PRKCE: variants seen among roughly 807,000 people sequenced by gnomAD.
The protein encoded by PRKCE is protein kinase C epsilon type.
A neutral mutation model predicts 85.4 loss-of-function variants in PRKCE; 16 were observed. That is an observed-to-expected ratio of 0.19 (90% CI 0.13 to 0.28). The LOEUF is 0.28. PRKCE is among the 10% of genes least tolerant of loss of function. The pLI is 1.00. For missense variants in PRKCE, 573 were observed against 975.2 expected, an observed-to-expected ratio of 0.59 and a Z score of 5.49; for synonymous variants, 388 against 371.5, an observed-to-expected ratio of 1.04 and a Z score of -0.51.
intron 1 of PRKCE, among the ~76,000 whole-genome samples, chr2:45,840,211 C>T (rs1267082076): frequency 6.6e-6 from 1 of 152,170 alleles, no homozygotes; most frequent in African/African-American, 2.4e-5. Flanking sequence ...ATTTTGCCGG[C>T]AGGGTTTAAT....
At chr2:46,044,005 A>G (rs1325180625) in intron 10 of PRKCE, among the ~76,000 whole-genome samples, 1 of 152,228 alleles carries the variant, frequency 6.6e-6, no homozygotes, top group African/African-American at 2.4e-5. Context: ...AATGAGTGAC[A>G]TCATGCTCTC....
At chr2:46,058,070 G>A (rs567525129) in intron 10 of PRKCE, among the ~76,000 whole-genome samples, 1 of 152,330 alleles carries the variant, frequency 6.6e-6, no homozygotes, top group South Asian at 2.1e-4. Flanking sequence ...TGAAGTAATG[G>A]GCAAATTCAT....
chr2:45,663,411 G>C (rs373653547), intron 1 of PRKCE, among the ~76,000 whole-genome samples: 2 of 152,160 alleles, frequency 1.3e-5, no homozygotes, highest in African/African-American at 4.8e-5. Flanking sequence ...GTTGGCAGAG[G>C]CTTCTTGGTA....
chr2:45,959,781 C>A (rs1325012960), intron 2 of PRKCE, among the ~76,000 whole-genome samples: 1 of 152,228 alleles, frequency 6.6e-6, no homozygotes, highest in Non-Finnish European at 1.5e-5. Context: ...ATGAAACAGC[C>A]AGGGTCCACA....
chr2:45,979,033 A>G, intron 4 of PRKCE, 23 bp downstream of exon 4: 1 of 1,597,724 alleles, frequency 6.3e-7, no homozygotes, highest in Non-Finnish European at 8.5e-7. Context: ...TATGAATTAA[A>G]TCTTCAGAGG....
chr2:45,878,688 T>A (rs1445775439), intron 2 of PRKCE, among the ~76,000 whole-genome samples: 1 of 152,226 alleles, frequency 6.6e-6, no homozygotes, highest in Non-Finnish European at 1.5e-5. Context: ...AATAACCTAC[T>A]CTGCCATTGC....
intron 1 of PRKCE, among the ~76,000 whole-genome samples, chr2:45,762,372 T>C (rs1056828244): frequency 2.6e-5 from 4 of 152,238 alleles, no homozygotes; most frequent in Admixed American, 1.3e-4. Flanking sequence ...CCTGCCTTTT[T>C]CCCTGATCAG....
intron 2 of PRKCE, among the ~76,000 whole-genome samples, chr2:45,933,003 C>T (rs1018952785): frequency 6.6e-6 from 1 of 152,180 alleles, no homozygotes; most frequent in African/African-American, 2.4e-5. Flanking sequence ...ATAATATATA[C>T]CACATTCTGT....
Position 46,041,988 on chromosome 2 carries a change from C to A in PRKCE, c.1437+31471C>A, listed in dbSNP as rs1320310128. The stretch of plus-strand genomic sequence containing the variant: ...TTGTAATATAATTTGAGGTGGCAGT[C>A]CCCCTTCCAGGAATCCCATTTTATG... On this transcript the variant is annotated intron_variant, in intron 10 of 14. Coordinates refer to ENST00000306156, the MANE Select transcript of PRKCE (RefSeq NM_005400.3). This position sits in a 1 kb window ranked among gnomAD's most constrained non-coding sequence, Gnocchi z 5.5. Among the ~76,000 whole-genome samples the A allele has an allele frequency of 6.6e-6, 1 of 152,192 alleles. No homozygotes were observed. Among genetic ancestry groups the A allele is most frequent in the Non-Finnish European group, 1.5e-5 (1 of 68,028 alleles).
At position 46,040,472 on chromosome 2, in the gene PRKCE, C is replaced by G. The variant is rs375359732; in HGVS notation, c.1437+29955C>G. Among the ~76,000 whole-genome samples the G allele has an allele frequency of 1.6e-4, 25 of 152,246 alleles. No individual in the cohort carries two copies. In the East Asian group the frequency reaches 4.8e-3, roughly 29 times the overall value. On this transcript the variant is annotated intron_variant, in intron 10 of 14. Coordinates refer to ENST00000306156, the MANE Select transcript of PRKCE (RefSeq NM_005400.3). ...CTGGACTCCTTTAAAAACATACTAC[C>G]TCCTGGCTCACCCCAGTTCAACTGA...
At position 45,905,166 on chromosome 2, in the gene PRKCE, C is replaced by A. The variant is rs1311931901; in HGVS notation, c.412+62103C>A. 6.6e-6 allele frequency among the ~76,000 whole-genome samples: 1 copy of A among 152,214 alleles called. No homozygotes were observed. Among genetic ancestry groups the A allele is most frequent in the African/African-American group, 2.4e-5 (1 of 41,460 alleles). On this transcript the variant is annotated intron_variant, in intron 2 of 14. Transcript: ENST00000306156. This position sits in a 1 kb window ranked among gnomAD's most constrained non-coding sequence, Gnocchi z 4.4. ...AGGCCGTAGTCCAGGCCATCTCACACTGGCTAGGGCAAACCCTGGCTCAAG... is the reference window on the plus strand; with the variant it reads ...AGGCCGTAGTCCAGGCCATCTCACAATGGCTAGGGCAAACCCTGGCTCAAG...
intron 1 of PRKCE, among the ~76,000 whole-genome samples, chr2:45,679,737 G>A (rs1047518117): frequency 8.5e-5 from 13 of 152,136 alleles, no homozygotes; most frequent in African/African-American, 3.1e-4. Context: ...TAGTCTGCGG[G>A]TGTATGTGGG....
At chr2:45,958,475 C>T (rs1701129237) in intron 2 of PRKCE, among the ~76,000 whole-genome samples, 2 of 148,546 alleles carry the variant, frequency 1.3e-5, no homozygotes, top group Admixed American at 1.3e-4. Flanking sequence ...CACCACTGCA[C>T]TCCAGCCTGG....
At chr2:45,798,767 CTT>C (rs56020595) in intron 1 of PRKCE, among the ~76,000 whole-genome samples, 9,145 of 143,928 alleles carry the variant, frequency 0.064, 941 homozygotes, top group African/African-American at 0.21. Flanking sequence ...ACAGAAGTGG[CTT>C]TTTTTTTTTT....
At chr2:45,928,262 G>A (rs1389913820) in intron 2 of PRKCE, among the ~76,000 whole-genome samples, 1 of 152,144 alleles carries the variant, frequency 6.6e-6, no homozygotes, top group Non-Finnish European at 1.5e-5. Context: ...CTTTACATTT[G>A]AATATAACTT....
intron 1 of PRKCE, among the ~76,000 whole-genome samples, chr2:45,715,754 C>G (rs549023418): frequency 1.3e-5 from 2 of 152,190 alleles, no homozygotes; most frequent in African/African-American, 4.8e-5. Context: ...TTGCACTACA[C>G]GAACTGCCTT....
chr2:45,976,721 G>T (rs898357083), intron 3 of PRKCE, 133 bp downstream of exon 3: 1 of 1,099,988 alleles, frequency 9.1e-7, no homozygotes, highest in Non-Finnish European at 1.3e-6. Context: ...GAATGCAGGG[G>T]ACTATTATGG....
At chr2:46,156,022 C>T (rs1375299983) in intron 13 of PRKCE, among the ~76,000 whole-genome samples, 3 of 139,742 alleles carry the variant, frequency 2.1e-5, no homozygotes, top group Non-Finnish European at 4.7e-5. Context: ...AAAAAAACTT[C>T]ATGTACAAAA....
intron 1 of PRKCE, among the ~76,000 whole-genome samples, chr2:45,808,722 A>G (rs1688438647): frequency 6.6e-6 from 1 of 152,164 alleles, no homozygotes; most frequent in Non-Finnish European, 1.5e-5. Flanking sequence ...TTGTTCTAGA[A>G]GTATATAATC....
Sources: gnomAD v4.1 joint callset for allele counts (sites outside exome capture counted in the v4.1 genomes callset) on GRCh38, gnomAD v4.1.1 for gene constraint, Gnocchi (gnomAD v3.1) non-coding constraint, MANE v1.5 for transcripts, NCBI Gene and HGNC (gene_info 2026-07-23, HGNC 2026-07-21) for gene names.